Variants in MIDN observed in about 807,000 individuals in gnomAD.
MIDN encodes the protein midbrain nucleolar protein.
Under a neutral mutation model 46.1 loss-of-function variants are expected in MIDN, and 26 were observed. That is an observed-to-expected ratio of 0.56 (90% CI 0.41 to 0.78). The LOEUF (loss-of-function observed/expected upper bound fraction) is 0.78, where lower values mean the gene tolerates loss of function less well. MIDN is among the 30% of genes least tolerant of loss of function. The pLI is 0.00. For synonymous variants in MIDN, 432 were observed against 343.3 expected (o/e 1.26, Z -2.86); for missense variants, 850 against 771.8 (o/e 1.10, Z -1.20).
At position 1,254,071 on chromosome 19, in the gene MIDN, G is replaced by A. The variant is rs927231229; in HGVS notation, c.502G>A (p.Glu168Lys). Reference sequence around the variant, plus strand: ...ACCCCAGAGCCCAGAGAGGGGCGGCGAGAGGCCCCAGGTCACAGCGCGGGG... The same window carrying A: ...ACCCCAGAGCCCAGAGAGGGGCGGCAAGAGGCCCCAGGTCACAGCGCGGGG... ...QGPQSPERGG[E>K]RPQVSDFLSG... Residue 168 changes from glutamate to lysine, a missense_variant, in exon 5 of 9, where the codon GAG becomes AAG. Physicochemically the swap from Glu to Lys is moderately conservative, Grantham distance 56 (BLOSUM62 1). Transcript: ENST00000682408. The A allele has an allele frequency of 3.8e-5, 56 of 1,473,396 alleles. 1 individual carries two copies. The highest frequency in any genetic ancestry group is 2.4e-4 in the Middle Eastern group (1 of 4,198). The allele number at this position is 1,473,396 out of a possible 1,614,324, so 91.3% of individuals were successfully genotyped here. A position where few individuals can be genotyped will look rare whatever the true frequency, so the allele number is the denominator to read the frequency against.
intron 8 of MIDN, among the ~76,000 whole-genome samples, chr19:1,256,700 G>A (rs954505228): frequency 3.9e-5 from 6 of 152,120 alleles, no homozygotes; most frequent in Non-Finnish European, 8.8e-5. Flanking sequence ...TTTTGTAGAG[G>A]AGGGGTCTCG....
intron 4 of MIDN, 23 bp downstream of exon 4, chr19:1,251,924 C>T (rs2081134605): frequency 3.1e-6 from 5 of 1,607,058 alleles, no homozygotes; most frequent in Non-Finnish European, 4.3e-6. Flanking sequence ...CAGCCCCTTC[C>T]TAACAGGGCA....
chr19:1,249,372 G>A (rs1299697966), intron 1 of MIDN, among the ~76,000 whole-genome samples: 2 of 150,516 alleles, frequency 1.3e-5, no homozygotes, highest in Non-Finnish European at 3.0e-5. Context: ...CGCGGACTTC[G>A]CGCTCCCGCT....
At chr19:1,256,452 A>C (rs1056894351) in intron 8 of MIDN, among the ~76,000 whole-genome samples, 1 of 150,220 alleles carries the variant, frequency 6.7e-6, no homozygotes, top group Non-Finnish European at 1.5e-5. Flanking sequence ...ACTGCACTCC[A>C]GCCTGGGCGA....
Position 1,258,545 on chromosome 19 carries a change from G to C in MIDN, c.*1273G>C, listed in dbSNP as rs1261179068. ...TTTATTTTTTAATGATAATGGAGAT[G>C]TCTGGACCCTTCCTCACCCCACCTG... On this transcript the variant is annotated 3_prime_UTR_variant, in exon 9 of 9. Coordinates refer to ENST00000682408, the MANE Select transcript of MIDN (RefSeq NM_001388306.1). 6.6e-6 allele frequency: 1 copy of C among 152,396 alleles called. No homozygotes were observed. Among genetic ancestry groups the C allele is most frequent in the Non-Finnish European group, 1.5e-5 (1 of 68,038 alleles). The allele number at this position is 152,396 out of a possible 1,614,324, so 9.4% of individuals were successfully genotyped here.
intron 4 of MIDN, 47 bp from the exon 5 acceptor site, chr19:1,253,907 G>A: frequency 1.5e-6 from 2 of 1,358,982 alleles, no homozygotes; most frequent in African/African-American, 1.5e-5. Flanking sequence ...CGACCTAGTT[G>A]GCCAGGGAGG....
rs75706642 is a variant in MIDN at position 1,252,441 on chromosome 19, C to T, written c.384+540C>T. On this transcript the variant is annotated intron_variant, in intron 4 of 8. Transcript: ENST00000682408. The stretch of plus-strand genomic sequence containing the variant: ...AGGGGAGGGGGCGGGGGTGCCCAGC[C>T]CTGGGGCCAGTGAGGCCTAGACAGG... 3.3e-5 allele frequency among the ~76,000 whole-genome samples: 5 copies of T among 152,242 alleles called. 1 individual carries two copies. Among genetic ancestry groups the T allele is most frequent in the East Asian group, 1.9e-4 (1 of 5,172 alleles).
intron 8 of MIDN, among the ~76,000 whole-genome samples, chr19:1,256,481 C>CAAA (rs562682759): frequency 1.8e-5 from 1 of 56,504 alleles, no homozygotes; most frequent in Non-Finnish European, 3.7e-5. Flanking sequence ...GACTCCGTCT[C>CAAA]AAAAAAAAAA....
chr19:1,251,189 A>C lies in MIDN; in HGVS notation c.234-373A>C, dbSNP rs761260250. On this transcript the variant is annotated intron_variant, in intron 2 of 8. Coordinates refer to ENST00000682408, the MANE Select transcript of MIDN (RefSeq NM_001388306.1). Reference sequence around the variant, plus strand: ...CCTCGGGCCGAAACCCGTGGTTCCTACAAAGAGGAGCCAGGACTAGAATTA... The same window carrying C: ...CCTCGGGCCGAAACCCGTGGTTCCTCCAAAGAGGAGCCAGGACTAGAATTA... 3.3e-4 allele frequency: 63 copies of C among 190,552 alleles called. 1 individual carries two copies. The highest frequency in any genetic ancestry group is 5.7e-4 in the Non-Finnish European group (52 of 91,646). The allele number at this position is 190,552 out of a possible 1,614,324, so 11.8% of individuals were successfully genotyped here.
intron 4 of MIDN, among the ~76,000 whole-genome samples, chr19:1,252,886 C>T (rs958238028): frequency 1.3e-5 from 2 of 152,106 alleles, no homozygotes; most frequent in Non-Finnish European, 2.9e-5. Flanking sequence ...AGCCGGGGTC[C>T]CGAGCCAGGG....
chr19:1,252,445 G>A (rs954214662), intron 4 of MIDN, among the ~76,000 whole-genome samples: 3 of 152,172 alleles, frequency 2.0e-5, no homozygotes, highest in African/African-American at 7.2e-5. Flanking sequence ...CCCAGCCCTG[G>A]GGCCAGTGAG....
chr19:1,254,562 C>T, intron 6 of MIDN, 84 bp downstream of exon 6: 3 of 1,402,370 alleles, frequency 2.1e-6, no homozygotes, highest in Non-Finnish European at 1.9e-6. Context: ...AGGACAAGGA[C>T]TCTTAGTCCC....
At chr19:1,250,873 G>A (rs1197791515) in intron 2 of MIDN, among the ~76,000 whole-genome samples, 1 of 152,032 alleles carries the variant, frequency 6.6e-6, no homozygotes, top group Non-Finnish European at 1.5e-5. Flanking sequence ...TCTGCTCGGC[G>A]GCCTCCTCTG....
In MIDN at chr19:1,254,099, A is replaced by ACTGGG; in HGVS notation, c.513+19_513+23dup. Reference sequence around the variant, plus strand: ...AGGCCCCAGGTCACAGCGCGGGGGGACTGGGCCGGGCTGGGCTGGGGGCGC... The same window carrying ACTGGG: ...AGGCCCCAGGTCACAGCGCGGGGGGACTGGGCTGGGCCGGGCTGGGCTGGGGGCGC... On this transcript the variant is annotated intron_variant, in intron 5 of 8. Coordinates refer to ENST00000682408, the MANE Select transcript of MIDN (RefSeq NM_001388306.1). 1 of 1,533,352 alleles carries ACTGGG rather than the reference A, an allele frequency of 6.5e-7. No homozygotes were observed. The highest frequency in any genetic ancestry group is 8.7e-7 in the Non-Finnish European group (1 of 1,147,106). 95.0% of individuals were successfully genotyped at this position (1,533,352 alleles called of 1,614,324 possible).
Position 1,254,659 on chromosome 19 carries a change from C to T in MIDN, c.825+181C>T, listed in dbSNP as rs574680250. 9.9e-5 allele frequency among the ~76,000 whole-genome samples: 15 copies of T among 152,210 alleles called. No individual in the cohort carries two copies. The South Asian group carries it at 2.7e-3, about 27-fold the overall frequency. ...CTAGATTGGTGGGGTATTTCTAGAT[C>T]CTGAGTTGACGGTCATCGCCTGACA... On this transcript the variant is annotated intron_variant, in intron 6 of 8. Coordinates refer to ENST00000682408, the MANE Select transcript of MIDN (RefSeq NM_001388306.1).
intron 1 of MIDN, among the ~76,000 whole-genome samples, chr19:1,249,195 G>A (rs1388230612): frequency 6.7e-6 from 1 of 148,318 alleles, no homozygotes; most frequent in Non-Finnish European, 1.5e-5. Context: ...TCTGCCCGCG[G>A]CCGGCGGGTG....
chr19:1,251,811 C>T, intron 3 of MIDN, 28 bp from the exon 4 acceptor site: 1 of 1,607,598 alleles, frequency 6.2e-7, no homozygotes, highest in Non-Finnish European at 8.5e-7. Context: ...ACCCCACACT[C>T]AGGCCCCTCT....
intron 2 of MIDN, chr19:1,251,360 C>T (rs1236470468): frequency 5.4e-6 from 3 of 559,200 alleles, no homozygotes; most frequent in South Asian, 2.3e-5. Context: ...GGAAGGGGTC[C>T]GAATCGCCAG....
At position 1,257,469 on chromosome 19, in the gene MIDN, C is replaced by T. The variant is rs2145500733; in HGVS notation, c.*197C>T. ...TCTGACCGTGGTTTCCTGGACTCTT[C>T]ATGGGCTTTGCTTCCTACCTCCTTC... is the stretch of plus-strand genomic sequence containing the variant. On this transcript the variant is annotated 3_prime_UTR_variant, in exon 9 of 9. Coordinates refer to ENST00000682408, the MANE Select transcript of MIDN (RefSeq NM_001388306.1). 1.8e-6 allele frequency: 1 copy of T among 549,184 alleles called. No homozygotes were observed. Among genetic ancestry groups the T allele is most frequent in the Non-Finnish European group, 3.2e-6 (1 of 312,606 alleles). The allele number at this position is 549,184 out of a possible 1,614,324, so 34.0% of individuals were successfully genotyped here.
Sources: gnomAD v4.1 joint callset for allele counts (sites outside exome capture counted in the v4.1 genomes callset) on GRCh38, gnomAD v4.1.1 for gene constraint, MANE v1.5 for transcripts, NCBI Gene and HGNC (gene_info 2026-07-23, HGNC 2026-07-21) for gene names.